The following OCRL variants were observed in gnomAD, a reference collection of about 807,000 sequenced individuals.
The protein encoded by OCRL is OCRL inositol polyphosphate-5-phosphatase.
Under a neutral mutation model 78.9 loss-of-function variants are expected in OCRL, and 8 were observed. The ratio of observed to expected loss-of-function variants is 0.10; its 90% CI spans 0.06 to 0.18. OCRL has a LOEUF of 0.18. Ranked by LOEUF, OCRL falls within the 10% of genes least tolerant of loss-of-function variation. The probability of loss-of-function intolerance (pLI) is 1.00; values close to 1 mark genes in which losing one functional copy is unlikely to be tolerated. For synonymous variants in OCRL, 240 were observed against 235.4 expected (o/e 1.02, Z -0.18); for missense variants, 454 against 696.7 (o/e 0.65, Z 3.92).
chrX:129,580,714 T>C (rs988144212), intron 18 of OCRL, among the ~76,000 whole-genome samples: 12 of 112,141 alleles, frequency 1.1e-4, no homozygotes, highest in Admixed American at 8.5e-4. Context: ...ACTTGTTAAT[T>C]TGTCCGTAGT....
intron 14 of OCRL, among the ~76,000 whole-genome samples, chrX:129,567,791 C>T (rs1021291345): frequency 1.8e-5 from 2 of 111,700 alleles, no homozygotes; most frequent in African/African-American, 6.5e-5. Flanking sequence ...ACCAGTAGCT[C>T]TCAATCCTTA....
intron 18 of OCRL, among the ~76,000 whole-genome samples, chrX:129,578,482 C>G (rs1398031028): frequency 9.4e-6 from 1 of 106,932 alleles, no homozygotes; most frequent in African/African-American, 3.4e-5. Context: ...CATTTATACT[C>G]TCTCCTTCCA....
At chrX:129,551,442 T>A (rs1935958716) in intron 4 of OCRL, among the ~76,000 whole-genome samples, 1 of 112,033 alleles carries the variant, frequency 8.9e-6, no homozygotes, top group Non-Finnish European at 1.9e-5. Flanking sequence ...GTTTTTTTTG[T>A]TTGTTTTTTT....
At chrX:129,578,265 A>T (rs2124420654) in intron 18 of OCRL, among the ~76,000 whole-genome samples, 2 of 111,583 alleles carry the variant, frequency 1.8e-5, no homozygotes, top group African/African-American at 6.5e-5. Context: ...AATTTCTGTT[A>T]TACCTTTTTT....
At chrX:129,540,654 T>TGAG in intron 1 of OCRL, 90 bp from the exon 2 acceptor site, 1 of 458,787 alleles carries the variant, frequency 2.2e-6, no homozygotes, top group South Asian at 3.0e-5. Flanking sequence ...AGGGCGGCGG[T>TGAG]GGGGGGGGGG....
chrX:129,544,497 A>G (rs1055826665), intron 2 of OCRL, among the ~76,000 whole-genome samples: 2 of 111,734 alleles, frequency 1.8e-5, no homozygotes, highest in Non-Finnish European at 3.8e-5. Context: ...GTAAAAAGCC[A>G]TGGGAATATA....
intron 9 of OCRL, among the ~76,000 whole-genome samples, chrX:129,560,971 T>C (rs1304696481): frequency 2.7e-5 from 3 of 112,680 alleles, no homozygotes; most frequent in African/African-American, 6.4e-5. Context: ...TTTTGATTTA[T>C]TTTTTGCATA....
At chrX:129,570,591 A>G (rs946455179) in intron 15 of OCRL, among the ~76,000 whole-genome samples, 2 of 112,457 alleles carry the variant, frequency 1.8e-5, no homozygotes, top group Non-Finnish European at 1.9e-5. Context: ...TAGATTTTAA[A>G]TTTTATCAAG....
At chrX:129,566,620 CTT>C (rs1241302113) in intron 13 of OCRL, among the ~76,000 whole-genome samples, 1 of 112,281 alleles carries the variant, frequency 8.9e-6, no homozygotes, top group African/African-American at 3.2e-5. Context: ...TTCGAATAAT[CTT>C]TAAATCGTTA....
At chrX:129,576,737 T>G (rs973539711) in intron 18 of OCRL, among the ~76,000 whole-genome samples, 185 bp downstream of exon 18, 1 of 112,076 alleles carries the variant, frequency 8.9e-6, no homozygotes, top group Admixed American at 9.5e-5. Flanking sequence ...GGGGGACTAA[T>G]CTGCAGTTGG....
chrX:129,587,281 G>A (rs1057371477), intron 20 of OCRL, among the ~76,000 whole-genome samples, 163 bp downstream of exon 20: 1 of 111,747 alleles, frequency 8.9e-6, no homozygotes, highest in Non-Finnish European at 1.9e-5. Flanking sequence ...AGTCACAGAT[G>A]TCACAGCTGA....
At chrX:129,582,107 A>G (rs1352615686) in intron 18 of OCRL, among the ~76,000 whole-genome samples, 2 of 109,867 alleles carry the variant, frequency 1.8e-5, no homozygotes, top group African/African-American at 6.6e-5. Flanking sequence ...CCCCACAAAC[A>G]GATGACTAAC....
chrX:129,545,018 C>G lies in OCRL; in HGVS notation c.180C>G (p.Ser60Arg), dbSNP rs757432716. The change falls in exon 3 of 24, where the codon AGC becomes AGG. Residue 60 changes from serine to arginine, a missense_variant. Physicochemically the swap from Ser to Arg is moderately radical, Grantham distance 110. This residue lies in a region of OCRL where 177 missense variants were observed against 179.6 expected (regional missense o/e 0.99). Transcript: ENST00000371113. Reference protein sequence around the residue: ...QHVQDIIPINSHFRCVQEAEE... With the variant: ...QHVQDIIPINRHFRCVQEAEE... ...TTCAAGATATCATTCCTATAAATAG[C>G]CACTTCAGATGTGTTCAAGGTACTA... 9.0e-7 allele frequency: 1 copy of G among 1,115,218 alleles called. No individual in the cohort carries two copies. Among genetic ancestry groups the G allele is most frequent in the Non-Finnish European group, 1.2e-6 (1 of 808,019 alleles). 91.9% of individuals were successfully genotyped at this position (1,115,218 alleles called of 1,213,427 possible).
intron 2 of OCRL, among the ~76,000 whole-genome samples, chrX:129,543,504 T>C (rs778215443): frequency 8.8e-6 from 1 of 113,225 alleles, no homozygotes; most frequent in East Asian, 2.8e-4. Flanking sequence ...TCTGGGTTTA[T>C]AGGACTCTCC....
At chrX:129,541,360 A>G (rs1935798353) in intron 2 of OCRL, among the ~76,000 whole-genome samples, 1 of 111,990 alleles carries the variant, frequency 8.9e-6, no homozygotes, top group Non-Finnish European at 1.9e-5. Context: ...TCATTAATTC[A>G]GTAATGGTTT....
Position 129,589,831 on chromosome X carries a change from A to G in OCRL, c.2470-14A>G. The G allele has an allele frequency of 8.6e-7, 1 of 1,156,244 alleles. No homozygotes were observed. Among genetic ancestry groups the G allele is most frequent in the Non-Finnish European group, 1.2e-6 (1 of 845,197 alleles). On this transcript the variant is annotated splice_polypyrimidine_tract_variant and intron_variant, in intron 22 of 23. Transcript: ENST00000371113. ...CCTGTTTTTCTCACTGCCTGCCCCT[A>G]TTTTTAAAAACAGGTGATCTCCCAG...
chrX:129,583,909 GAGA>G (rs1216274531), intron 18 of OCRL, among the ~76,000 whole-genome samples: 1 of 110,780 alleles, frequency 9.0e-6, no homozygotes, highest in Admixed American at 9.6e-5. Context: ...TGGCTGGGGT[GAGA>G]AGAATGAAAA....
At chrX:129,554,907 G>A (rs1036950318) in intron 4 of OCRL, among the ~76,000 whole-genome samples, 16 of 107,338 alleles carry the variant, frequency 1.5e-4, no homozygotes, top group Admixed American at 4.0e-4. Context: ...AGCCGAGATC[G>A]CGGCATTGCA....
rs1373759867 is a variant in OCRL, at chrX:129,576,335, C to A, written c.1898C>A (p.Ser633Tyr). Residue 633 changes from serine (S) to tyrosine (Y), a missense_variant, in exon 18 of 24, where the codon TCT (serine) becomes TAT (tyrosine). Physicochemically the swap from Ser to Tyr is moderately radical, Grantham distance 144. Transcript: ENST00000371113. Reference protein sequence around the residue: ...YLEPNETVDISLDVYVSKDSV... With the variant: ...YLEPNETVDIYLDVYVSKDSV... The stretch of plus-strand genomic sequence containing the variant: ...ATTTCAGATGAGACAGTGGACATTT[C>A]TCTTGATGTGTATGTCAGCAAAGAC... 5.0e-6 allele frequency: 6 copies of A among 1,205,403 alleles called. No homozygotes were observed. In the East Asian group the frequency reaches 8.9e-5, roughly 18 times the overall value.
Sources: gnomAD v4.1 joint callset for allele counts (sites outside exome capture counted in the v4.1 genomes callset) on GRCh38, gnomAD v4.1.1 for gene constraint, gnomAD v4.1.1 regional missense constraint, MANE v1.5 for transcripts, NCBI Gene and HGNC (gene_info 2026-07-23, HGNC 2026-07-21) for gene names.